Variants in ADGRG7 observed in about 807,000 individuals in gnomAD.
The protein encoded by ADGRG7 is adhesion G protein-coupled receptor G7, also known as G-protein coupled receptor 128.
In ADGRG7, 82 loss-of-function variants were observed where a neutral mutation model predicts 88.6. That is an observed-to-expected ratio of 0.93 (90% confidence interval 0.77 to 1.11). The LOEUF (loss-of-function observed/expected upper bound fraction) is 1.11. Ranked by LOEUF, ADGRG7 falls within the 50% of genes most tolerant of loss-of-function variation. ADGRG7 has a pLI of 0.00. For synonymous variants in ADGRG7, 381 were observed against 345.2 expected (o/e 1.10, Z -1.15); for missense variants, 945 against 953.4 (o/e 0.99, Z 0.12).
At chr3:100,674,066 A>G (rs1358892525) in intron 15 of ADGRG7, among the ~76,000 whole-genome samples, 1 of 152,116 alleles carries the variant, frequency 6.6e-6, no homozygotes, top group Non-Finnish European at 1.5e-5. Context: ...ATGTGTCCCA[A>G]AGATTTGGGT....
chr3:100,622,408 T>C (rs1436819733), intron 1 of ADGRG7, among the ~76,000 whole-genome samples: 2 of 152,004 alleles, frequency 1.3e-5, no homozygotes, highest in Non-Finnish European at 2.9e-5. Flanking sequence ...ATTTATGGAG[T>C]CTCTATTCTA....
intron 14 of ADGRG7, among the ~76,000 whole-genome samples, chr3:100,668,428 GC>G (rs1220355527): frequency 2.0e-5 from 3 of 152,154 alleles, no homozygotes; most frequent in African/African-American, 7.2e-5. Context: ...ATAAACAGAT[GC>G]TTTCAAGTCT....
At chr3:100,610,249 T>G (rs781762985) in intron 1 of ADGRG7, among the ~76,000 whole-genome samples, 3 of 152,204 alleles carry the variant, frequency 2.0e-5, no homozygotes, top group Non-Finnish European at 4.4e-5. Flanking sequence ...AGAAGAGTAA[T>G]AATTAAAACG....
At chr3:100,624,906 G>GGCA (rs1459517471) in intron 1 of ADGRG7, among the ~76,000 whole-genome samples, 1 of 152,024 alleles carries the variant, frequency 6.6e-6, no homozygotes, top group Non-Finnish European at 1.5e-5. Flanking sequence ...TATCTGTTTT[G>GGCA]GCACCAGTAC....
At chr3:100,668,841 C>A in intron 14 of ADGRG7, 108 bp from the exon 15 acceptor site, 1 of 678,794 alleles carries the variant, frequency 1.5e-6, no homozygotes, top group Admixed American at 3.4e-5. Flanking sequence ...GTTAAGTGAA[C>A]AATGTATATG....
intron 15 of ADGRG7, among the ~76,000 whole-genome samples, chr3:100,674,363 T>C (rs1044139913): frequency 2.6e-5 from 4 of 152,188 alleles, no homozygotes; most frequent in African/African-American, 9.7e-5. Flanking sequence ...TTGCATAGAA[T>C]CTGTAGATTG....
In ADGRG7 at chr3:100,694,926, T is replaced by C; in HGVS notation, c.2319T>C (p.Phe773=). The change falls in exon 16 of 16, where the codon TTT becomes TTC. Residue 773 remains phenylalanine, a synonymous_variant. Transcript: ENST00000273352. Reference sequence around the variant, plus strand: ...CATTGCCAACCTTACATGAACGCTTTAGGCTACTGGAAACCTCTCCGAGTA... The same window carrying C: ...CATTGCCAACCTTACATGAACGCTTCAGGCTACTGGAAACCTCTCCGAGTA... The part of the protein sequence containing the change: ...LRSLPTLHER[F]RLLETSPSTE... 2 of 1,614,176 alleles carry C rather than the reference T, an allele frequency of 1.2e-6. No homozygotes were observed. Among genetic ancestry groups the C allele is most frequent in the South Asian group, 1.1e-5 (1 of 91,090 alleles).
At chr3:100,648,535 T>C (rs1341585036) in intron 10 of ADGRG7, among the ~76,000 whole-genome samples, 3 of 152,142 alleles carry the variant, frequency 2.0e-5, no homozygotes, top group Non-Finnish European at 4.4e-5. Context: ...AACAAAAATA[T>C]ACTGATATGG....
intron 4 of ADGRG7, among the ~76,000 whole-genome samples, chr3:100,634,693 A>G (rs1350387011): frequency 6.6e-6 from 1 of 152,174 alleles, no homozygotes; most frequent in Non-Finnish European, 1.5e-5. Context: ...AAAGATGCTA[A>G]ATTTGGAATC....
chr3:100,682,137 G>C (rs1366377872), intron 15 of ADGRG7, among the ~76,000 whole-genome samples: 1 of 152,156 alleles, frequency 6.6e-6, no homozygotes, highest in African/African-American at 2.4e-5. Flanking sequence ...AGTCCCCAGA[G>C]CCTGCCCCAG....
intron 14 of ADGRG7, among the ~76,000 whole-genome samples, chr3:100,662,879 C>T (rs1460976756): frequency 1.3e-5 from 2 of 150,678 alleles, no homozygotes; most frequent in African/African-American, 4.9e-5. Context: ...AGAAAAAAGA[C>T]ACTAAATAGG....
intron 15 of ADGRG7, among the ~76,000 whole-genome samples, chr3:100,686,003 T>C (rs1196417672): frequency 6.6e-6 from 1 of 151,088 alleles, no homozygotes; most frequent in Non-Finnish European, 1.5e-5. Context: ...AGTGTAAAAG[T>C]GTTCCTATTT....
chr3:100,649,616 A>G (rs2094925980), intron 10 of ADGRG7, 79 bp from the exon 11 acceptor site: 3 of 732,018 alleles, frequency 4.1e-6, no homozygotes, highest in Admixed American at 2.2e-5. Flanking sequence ...ATTTTGACCC[A>G]TGTAACTCTG....
rs1345469017 is a variant in ADGRG7 at position 100,695,205 on chromosome 3, T to A, written c.*204T>A. Reference sequence around the variant, plus strand: ...ATTTTTCAATAGATTTGTACTTGAATAAGGTGAAGAATTTCACACAACATA... The same window carrying A: ...ATTTTTCAATAGATTTGTACTTGAAAAAGGTGAAGAATTTCACACAACATA... On this transcript the variant is annotated 3_prime_UTR_variant, in exon 16 of 16. Coordinates refer to ENST00000273352, the MANE Select transcript of ADGRG7 (RefSeq NM_032787.3). The A allele has an allele frequency of 3.6e-6, 2 of 560,186 alleles. No homozygotes were observed. The allele number at this position is 560,186 out of a possible 1,614,324, so 34.7% of individuals were successfully genotyped here. A position where few individuals can be genotyped will look rare whatever the true frequency, so the allele number is the denominator to read the frequency against.
rs1231646275 is a variant in ADGRG7 at position 100,646,000 on chromosome 3, A to T, written c.1002A>T (p.Ser334=). The T allele has an allele frequency of 6.2e-7, 1 of 1,613,988 alleles. No individual in the cohort carries two copies. The highest frequency in any genetic ancestry group is 1.1e-5 in the South Asian group (1 of 91,078). Residue 334 remains serine, a synonymous_variant, in exon 9 of 16, where the codon TCA becomes TCT. Transcript: ENST00000273352. ...VVYQNDKLFQ[S]KTFTAKSDFS... ...ATCAAAATGACAAGCTTTTCCAATC[A>T]AAAACTTTTACAGCTAAATCGGATT...
At chr3:100,636,561 A>G (rs1423803303) in intron 5 of ADGRG7, among the ~76,000 whole-genome samples, 1 of 152,070 alleles carries the variant, frequency 6.6e-6, no homozygotes, top group Non-Finnish European at 1.5e-5. Flanking sequence ...ACCAATATGG[A>G]CTCACCTTGT....
chr3:100,620,959 A>T (rs1707303351), intron 1 of ADGRG7, among the ~76,000 whole-genome samples: 1 of 152,086 alleles, frequency 6.6e-6, no homozygotes, highest in Non-Finnish European at 1.5e-5. Context: ...TAATTCTCAC[A>T]ATATGTCAAA....
chr3:100,617,663 C>T (rs530097700), intron 1 of ADGRG7, among the ~76,000 whole-genome samples: 316 of 152,098 alleles, frequency 2.1e-3, no homozygotes, highest in Middle Eastern at 0.01. Context: ...TGAATAGTGC[C>T]GCAATAAACA....
intron 11 of ADGRG7, 30 bp from the exon 12 acceptor site, chr3:100,654,805 A>AT (rs759853382): frequency 2.9e-5 from 40 of 1,356,360 alleles, no homozygotes; most frequent in Non-Finnish European, 3.8e-5. Context: ...GTTTCATTTA[A>AT]TTTTTTTATA....
Sources: allele counts gnomAD v4.1 joint callset (sites outside exome capture counted in the v4.1 genomes callset), GRCh38; gene constraint gnomAD v4.1.1; transcripts MANE v1.5; gene names NCBI Gene and HGNC (gene_info 2026-07-23, HGNC 2026-07-21).